The following FGF12 variants were observed in gnomAD, a reference collection of about 807,000 sequenced individuals.
FGF12 encodes the protein fibroblast growth factor 12.
In FGF12, 14 loss-of-function variants were observed where a neutral mutation model predicts 23.6. The observed-to-expected ratio is 0.59, with a 90% CI of 0.39 to 0.93. The LOEUF (loss-of-function observed/expected upper bound fraction) is 0.93. Among genes scored for constraint, FGF12 ranks in the 40% least tolerant of loss-of-function variants. The probability of loss-of-function intolerance (pLI) is 0.00; values close to 1 mark genes in which losing one functional copy is unlikely to be tolerated. For synonymous variants in FGF12, 62 were observed against 77.3 expected (o/e 0.80, Z 1.04); for missense variants, 175 against 217.8 (o/e 0.80, Z 1.24).
intron 3 of FGF12, among the ~76,000 whole-genome samples, chr3:192,340,911 C>G (rs1324844138): frequency 2.0e-5 from 3 of 151,994 alleles, no homozygotes; most frequent in African/African-American, 7.3e-5. Flanking sequence ...TGATTTATTT[C>G]TTGGATAACG....
chr3:192,288,003 T>C (rs574521422), intron 4 of FGF12, among the ~76,000 whole-genome samples: 19 of 152,178 alleles, frequency 1.2e-4, no homozygotes, highest in Non-Finnish European at 2.4e-4. Context: ...TTGTCTGTTA[T>C]TGTTTAATAA....
chr3:192,175,881 A>C (rs1293329447), intron 4 of FGF12, among the ~76,000 whole-genome samples: 2 of 151,888 alleles, frequency 1.3e-5, no homozygotes. Flanking sequence ...CCTCTCCAAC[A>C]CTGAATTTCT....
rs1463573745 is a variant in FGF12 at position 192,514,604 on chromosome 3, C to A, written c.14-154066G>T. ...AGCAGAGGAGGGCGGCGGAGAGGGC[C>A]CCGGAAGAAGGGAAGGGGGCATTCT... is the stretch of plus-strand genomic sequence containing the variant. On this transcript the variant is annotated intron_variant, in intron 2 of 5. Coordinates refer to ENST00000445105, the MANE Select transcript of FGF12 (RefSeq NM_004113.6). This position sits in a 1 kb window ranked among gnomAD's most constrained non-coding sequence, Gnocchi z 4.9. The A allele has an allele frequency of 2.5e-6, 2 of 785,824 alleles. No individual in the cohort carries two copies. Among genetic ancestry groups the A allele is most frequent in the Non-Finnish European group, 3.1e-6 (2 of 647,776 alleles). The allele number at this position is 785,824 out of a possible 1,614,324, so 48.7% of individuals were successfully genotyped here.
At chr3:192,158,432 T>TC (rs1560171703) in intron 5 of FGF12, among the ~76,000 whole-genome samples, 22 of 143,334 alleles carry the variant, frequency 1.5e-4, no homozygotes, top group African/African-American at 5.1e-4. Flanking sequence ...TTTTTCTTTT[T>TC]TCTTTCTTTC....
chr3:192,351,453 A>G (rs1434381725), intron 3 of FGF12, among the ~76,000 whole-genome samples: 1 of 152,230 alleles, frequency 6.6e-6, no homozygotes, highest in Non-Finnish European at 1.5e-5. Flanking sequence ...CTGTTCGTTT[A>G]AAGTTCTGTT....
At chr3:192,654,474 T>G (rs1319799912) in intron 2 of FGF12, among the ~76,000 whole-genome samples, 1 of 152,220 alleles carries the variant, frequency 6.6e-6, no homozygotes. Flanking sequence ...AATTTACATA[T>G]GATTTTCTAC....
intron 2 of FGF12, among the ~76,000 whole-genome samples, chr3:192,482,803 GGAT>G (rs1193364260): frequency 3.3e-5 from 5 of 151,872 alleles, no homozygotes; most frequent in Non-Finnish European, 5.9e-5. Flanking sequence ...GCTATTAAAA[GGAT>G]GATATTAGAT....
rs142913092 is a variant in FGF12 at position 192,714,543 on chromosome 3, G to T, written c.13+12638C>A. Among the ~76,000 whole-genome samples the T allele has an allele frequency of 4.6e-3, 555 of 121,712 alleles. 4 individuals are homozygous for T. Among genetic ancestry groups the T allele is most frequent in the African/African-American group, 0.02 (535 of 26,866 alleles). 79.8% of individuals were successfully genotyped at this position (121,712 alleles called of 152,430 possible). A position where few individuals can be genotyped will look rare whatever the true frequency, so the allele number is the denominator to read the frequency against. The stretch of plus-strand genomic sequence containing the variant: ...TTTTTTTTTTTTTTTTTTTGAGACG[G>T]AATCTCGCTCTGTCGCCCAGGCTGG... On this transcript the variant is annotated intron_variant, in intron 2 of 5. Transcript: ENST00000445105.
In FGF12 at chr3:192,140,000, A is replaced by G. The variant is rs894128964; in HGVS notation, c.*4009T>C. On this transcript the variant is annotated 3_prime_UTR_variant, in exon 6 of 6. Transcript: ENST00000445105. ...ATCACAAGGGGGATTAAAAATCACC[A>G]AAGTACTGAAGGAACACGTGCTTTG... 4 of 152,098 alleles carry G rather than the reference A, an allele frequency of 2.6e-5. No individual in the cohort carries two copies. Among genetic ancestry groups the G allele is most frequent in the Non-Finnish European group, 5.9e-5 (4 of 67,946 alleles). 9.4% of individuals were successfully genotyped at this position (152,098 alleles called of 1,614,324 possible). A position where few individuals can be genotyped will look rare whatever the true frequency, so the allele number is the denominator to read the frequency against.
At chr3:192,628,459 AC>A (rs1715259591) in intron 2 of FGF12, among the ~76,000 whole-genome samples, 2 of 139,480 alleles carry the variant, frequency 1.4e-5, no homozygotes, top group East Asian at 2.1e-4. Flanking sequence ...ACACACACAC[AC>A]ACACACACAC....
chr3:192,500,491 T>C (rs567157043), intron 2 of FGF12, among the ~76,000 whole-genome samples: 1 of 152,198 alleles, frequency 6.6e-6, no homozygotes, highest in East Asian at 1.9e-4. Flanking sequence ...CAGCAGATGC[T>C]ACAAATTTCG....
At chr3:192,365,963 T>A (rs1718962460) in intron 2 of FGF12, among the ~76,000 whole-genome samples, 1 of 140,826 alleles carries the variant, frequency 7.1e-6, no homozygotes, top group Non-Finnish European at 1.5e-5. Flanking sequence ...CTTTACTTCA[T>A]TAGCTTCAAA....
intron 4 of FGF12, among the ~76,000 whole-genome samples, chr3:192,196,553 CAAA>C (rs75176785): frequency 6.8e-6 from 1 of 146,268 alleles, no homozygotes; most frequent in Non-Finnish European, 1.5e-5. Flanking sequence ...GCCTGGGAGA[CAAA>C]AAAAAAATCC....
At chr3:192,633,553 A>G (rs1434910266) in intron 2 of FGF12, among the ~76,000 whole-genome samples, 1 of 152,090 alleles carries the variant, frequency 6.6e-6, no homozygotes, top group Non-Finnish European at 1.5e-5. Flanking sequence ...GACCACAACA[A>G]AAGTATATTC....
chr3:192,662,803 G>T (rs1160129182), intron 2 of FGF12, among the ~76,000 whole-genome samples: 1 of 152,138 alleles, frequency 6.6e-6, no homozygotes, highest in Non-Finnish European at 1.5e-5. Flanking sequence ...AGAAGGAATA[G>T]ATCATAATTA....
At chr3:192,329,798 A>G (rs2108690796) in intron 4 of FGF12, among the ~76,000 whole-genome samples, 1 of 152,310 alleles carries the variant, frequency 6.6e-6, no homozygotes, top group Non-Finnish European at 1.5e-5. Flanking sequence ...TTTAAAAGGC[A>G]CTGTCTATGT....
chr3:192,695,449 T>C (rs1409857078), intron 2 of FGF12, among the ~76,000 whole-genome samples: 8 of 152,226 alleles, frequency 5.3e-5, no homozygotes, highest in Admixed American at 5.2e-4. Context: ...ACGTGAATTC[T>C]GTTAAACTGC....
At chr3:192,652,121 A>T (rs1322186675) in intron 2 of FGF12, among the ~76,000 whole-genome samples, 1 of 152,196 alleles carries the variant, frequency 6.6e-6, no homozygotes, top group African/African-American at 2.4e-5. Context: ...TAGATCTTAC[A>T]CTTCCAGGAG....
intron 2 of FGF12, among the ~76,000 whole-genome samples, chr3:192,552,016 TAAA>T (rs1711547501): frequency 6.6e-6 from 1 of 151,986 alleles, no homozygotes; most frequent in African/African-American, 2.4e-5. Context: ...GATATAAACT[TAAA>T]GAAAAATGTA....
Sources: allele counts gnomAD v4.1 joint callset (sites outside exome capture counted in the v4.1 genomes callset), GRCh38; gene constraint gnomAD v4.1.1; non-coding constraint Gnocchi (gnomAD v3.1); transcripts MANE v1.5; gene names NCBI Gene and HGNC (gene_info 2026-07-23, HGNC 2026-07-21).